Variants in CHMP4C observed in about 807,000 individuals in gnomAD.
CHMP4C encodes SNF7 homolog associated with Alix 3.
Under a neutral mutation model 29.0 loss-of-function variants are expected in CHMP4C, and 28 were observed. The observed-to-expected ratio is 0.97, with a 90% CI of 0.72 to 1.32. The LOEUF is 1.32. Ranked by LOEUF, CHMP4C falls within the 40% of genes most tolerant of loss-of-function variation. The probability of loss-of-function intolerance (pLI) is 0.00; values close to 1 mark genes in which losing one functional copy is unlikely to be tolerated. For missense variants in CHMP4C, 291 were observed against 281.0 expected, an observed-to-expected ratio of 1.04 and a Z score of -0.25; for synonymous variants, 106 against 102.4, an observed-to-expected ratio of 1.04 and a Z score of -0.21.
At chr8:81,735,853 G>A (rs999221020) in intron 1 of CHMP4C, among the ~76,000 whole-genome samples, 4 of 152,094 alleles carry the variant, frequency 2.6e-5, no homozygotes, top group African/African-American at 9.7e-5. Context: ...CTGGGGGGCT[G>A]AAGTGGGCAG....
intron 1 of CHMP4C, among the ~76,000 whole-genome samples, chr8:81,735,416 A>G (rs553432730): frequency 6.6e-6 from 1 of 151,138 alleles, no homozygotes; most frequent in Non-Finnish European, 1.5e-5. Context: ...AACTTCATAT[A>G]CTTCATAACT....
Position 81,758,311 on chromosome 8 carries a change from C to T in CHMP4C, c.637+16C>T. 6.2e-7 allele frequency: 1 copy of T among 1,613,526 alleles called. No homozygotes were observed. Among genetic ancestry groups the T allele is most frequent in the Non-Finnish European group, 8.5e-7 (1 of 1,179,608 alleles). On this transcript the variant is annotated intron_variant, in intron 4 of 4. Coordinates refer to ENST00000297265, the MANE Select transcript of CHMP4C (RefSeq NM_152284.4). Reference sequence around the variant, plus strand: ...TCCCGAGCAGGTCTGTTACCCAGCTCAACTACATGTGGTCAGATAGTTGCC... The same window carrying T: ...TCCCGAGCAGGTCTGTTACCCAGCTTAACTACATGTGGTCAGATAGTTGCC...
intron 1 of CHMP4C, among the ~76,000 whole-genome samples, chr8:81,737,150 A>G (rs1012376532): frequency 6.6e-6 from 1 of 152,168 alleles, no homozygotes; most frequent in Admixed American, 6.5e-5. Context: ...TTTGTGGAAA[A>G]GCTAACTTTT....
intron 1 of CHMP4C, chr8:81,733,028 C>G (rs73694761): frequency 0.046 from 18,832 of 409,008 alleles, 663 homozygotes; most frequent in African/African-American, 0.13. Context: ...CCAAAAATCT[C>G]AGTAATCAAG....
intron 1 of CHMP4C, among the ~76,000 whole-genome samples, chr8:81,746,873 A>G (rs1808831016): frequency 6.6e-6 from 1 of 152,240 alleles, no homozygotes; most frequent in South Asian, 2.1e-4. Flanking sequence ...ACAACCTACA[A>G]AGGAAATGAT....
intron 3 of CHMP4C, among the ~76,000 whole-genome samples, chr8:81,757,645 A>G (rs1808988987): frequency 6.6e-6 from 1 of 152,236 alleles, no homozygotes; most frequent in Admixed American, 6.5e-5. Flanking sequence ...CCAAATGCAC[A>G]GCATAATTTA....
intron 1 of CHMP4C, among the ~76,000 whole-genome samples, chr8:81,748,689 G>T (rs1808860636): frequency 6.6e-6 from 1 of 152,032 alleles, no homozygotes; most frequent in Non-Finnish European, 1.5e-5. Context: ...TGTAATCCCA[G>T]CAGGCCGAGG....
At chr8:81,739,482 A>C (rs1808737200) in intron 1 of CHMP4C, among the ~76,000 whole-genome samples, 1 of 150,172 alleles carries the variant, frequency 6.7e-6, no homozygotes, top group South Asian at 2.1e-4. Flanking sequence ...CCTAGGCCAG[A>C]TCTTACTCTC....
Position 81,732,591 on chromosome 8 carries a change from G to C in CHMP4C, c.-36G>C, listed in dbSNP as rs1343861284. On this transcript the variant is annotated 5_prime_UTR_variant, in exon 1 of 5. Coordinates refer to ENST00000297265, the MANE Select transcript of CHMP4C (RefSeq NM_152284.4). ...CGCGGCCCCGGGGAGCTCCCGAGAGGCCCCCGGGATCGCTGGCCCTCCGAA... is the reference window on the plus strand; with the variant it reads ...CGCGGCCCCGGGGAGCTCCCGAGAGCCCCCCGGGATCGCTGGCCCTCCGAA... 9.4e-6 allele frequency: 14 copies of C among 1,489,412 alleles called. No homozygotes were observed. Among genetic ancestry groups the C allele is most frequent in the Non-Finnish European group, 1.2e-5 (13 of 1,110,008 alleles). The allele number at this position is 1,489,412 out of a possible 1,614,324, so 92.3% of individuals were successfully genotyped here.
intron 1 of CHMP4C, among the ~76,000 whole-genome samples, chr8:81,739,060 T>C (rs976686992): frequency 1.3e-5 from 2 of 151,720 alleles, no homozygotes; most frequent in African/African-American, 4.8e-5. Flanking sequence ...GAAATATCTA[T>C]CCACCTTTCC....
chr8:81,744,295 A>G (rs1204082332), intron 1 of CHMP4C, among the ~76,000 whole-genome samples: 2 of 152,170 alleles, frequency 1.3e-5, no homozygotes, highest in Admixed American at 1.3e-4. Flanking sequence ...TCAGACAGAA[A>G]CTTTTCAGTG....
At position 81,732,782 on chromosome 8, in the gene CHMP4C, C is replaced by T; in HGVS notation, c.156C>T (p.Ala52=). ...AAAATCGAATCCAGAGAGAAATCGCCCTGGCCAAGAAGCACGGCACGCAGA... is the reference window on the plus strand; with the variant it reads ...AAAATCGAATCCAGAGAGAAATCGCTCTGGCCAAGAAGCACGGCACGCAGA... ...YLENRIQREI[A]LAKKHGTQNK... The change falls in exon 1 of 5, where the codon GCC becomes GCT. Residue 52 remains alanine, a synonymous_variant. Coordinates refer to ENST00000297265, the MANE Select transcript of CHMP4C (RefSeq NM_152284.4). The T allele has an allele frequency of 6.2e-7, 1 of 1,612,384 alleles. No individual in the cohort carries two copies. The highest frequency in any genetic ancestry group is 8.5e-7 in the Non-Finnish European group (1 of 1,179,324).
chr8:81,752,933 T>C, intron 1 of CHMP4C, 131 bp from the exon 2 acceptor site: 1 of 604,366 alleles, frequency 1.7e-6, no homozygotes, highest in Non-Finnish European at 2.7e-6. Flanking sequence ...TGTTTATTTC[T>C]CAGGTTTATT....
At chr8:81,739,801 G>T (rs1347465095) in intron 1 of CHMP4C, among the ~76,000 whole-genome samples, 1 of 152,044 alleles carries the variant, frequency 6.6e-6, no homozygotes. Context: ...TATTTATTTT[G>T]TTCTGTTAAT....
At chr8:81,751,073 T>C (rs548633930) in intron 1 of CHMP4C, among the ~76,000 whole-genome samples, 1 of 152,274 alleles carries the variant, frequency 6.6e-6, no homozygotes, top group Non-Finnish European at 1.5e-5. Flanking sequence ...GAACCTAGCA[T>C]TCTGTAAAAA....
intron 1 of CHMP4C, among the ~76,000 whole-genome samples, chr8:81,733,768 C>T (rs955708682): frequency 3.9e-5 from 6 of 152,136 alleles, no homozygotes; most frequent in Non-Finnish European, 7.3e-5. Flanking sequence ...CTTGTAACAC[C>T]GGGTTCATGG....
chr8:81,732,890 C>A, intron 1 of CHMP4C, 74 bp downstream of exon 1: 1 of 1,396,856 alleles, frequency 7.2e-7, no homozygotes, highest in Non-Finnish European at 9.8e-7. Flanking sequence ...TCGGCCCACA[C>A]CACTGAGGTC....
chr8:81,749,162 A>G (rs1285207817), intron 1 of CHMP4C, among the ~76,000 whole-genome samples: 3 of 152,066 alleles, frequency 2.0e-5, no homozygotes, highest in Non-Finnish European at 4.4e-5. Context: ...AAGTCATGGA[A>G]GAGGGATTTG....
At chr8:81,737,399 G>T (rs768541434) in intron 1 of CHMP4C, among the ~76,000 whole-genome samples, 19 of 152,168 alleles carry the variant, frequency 1.2e-4, no homozygotes, top group Non-Finnish European at 1.8e-4. Context: ...TCCTATCCCA[G>T]TGCTTCCGGC....
Sources: allele counts gnomAD v4.1 joint callset (sites outside exome capture counted in the v4.1 genomes callset), GRCh38; gene constraint gnomAD v4.1.1; transcripts MANE v1.5; gene names NCBI Gene and HGNC (gene_info 2026-07-23, HGNC 2026-07-21).